Variants in IMMT observed in about 807,000 individuals in gnomAD.
IMMT encodes the protein inner membrane mitochondrial protein, also known as MICOS complex subunit MIC60.
A neutral mutation model predicts 92.7 loss-of-function variants in IMMT; 40 were observed. The observed-to-expected ratio is 0.43, with a 90% confidence interval of 0.34 to 0.56. The LOEUF (loss-of-function observed/expected upper bound fraction) is 0.56. Among genes scored for constraint, IMMT ranks in the 20% least tolerant of loss-of-function variants. The pLI is 0.03. For missense variants in IMMT, 831 were observed against 912.1 expected, an observed-to-expected ratio of 0.91 and a Z score of 1.14; for synonymous variants, 322 against 336.1, an observed-to-expected ratio of 0.96 and a Z score of 0.46.
At chr2:86,150,782 A>G (rs1233744354) in intron 12 of IMMT, among the ~76,000 whole-genome samples, 5 of 152,226 alleles carry the variant, frequency 3.3e-5, no homozygotes. Flanking sequence ...ACACTTCTGC[A>G]TCTGCTCAAC....
At chr2:86,176,518 G>A (rs1208795469) in intron 3 of IMMT, among the ~76,000 whole-genome samples, 1 of 152,166 alleles carries the variant, frequency 6.6e-6, no homozygotes, top group African/African-American at 2.4e-5. Flanking sequence ...TAGTGGTAAT[G>A]CAAGAAGATT....
chr2:86,176,843 C>G (rs1677460562), intron 3 of IMMT, among the ~76,000 whole-genome samples: 1 of 152,170 alleles, frequency 6.6e-6, no homozygotes, highest in South Asian at 2.1e-4. Context: ...CTCCATGCTC[C>G]TAGAACAGCT....
At chr2:86,153,951 C>T (rs1191773528) in intron 10 of IMMT, among the ~76,000 whole-genome samples, 1 of 152,186 alleles carries the variant, frequency 6.6e-6, no homozygotes, top group Non-Finnish European at 1.5e-5. Flanking sequence ...CAACCTCCAC[C>T]TGCTGGGCTC....
intron 11 of IMMT, among the ~76,000 whole-genome samples, chr2:86,152,644 C>T (rs1675554964): frequency 6.6e-6 from 1 of 151,930 alleles, no homozygotes; most frequent in African/African-American, 2.4e-5. Flanking sequence ...GCCTGTAATC[C>T]CAGCTACTCA....
chr2:86,162,223 A>C, intron 7 of IMMT, 144 bp from the exon 8 acceptor site: 1 of 542,050 alleles, frequency 1.8e-6, no homozygotes, highest in South Asian at 2.5e-5. Context: ...AGAACTCTTA[A>C]TTTAAGGCTT....
intron 12 of IMMT, 44 bp from the exon 13 acceptor site, chr2:86,147,877 A>G (rs1241913163): frequency 1.9e-6 from 3 of 1,591,088 alleles, no homozygotes; most frequent in Non-Finnish European, 2.6e-6. Flanking sequence ...AATTCTCCAC[A>G]TATACTTTTA....
At position 86,174,295 on chromosome 2, in the gene IMMT, T is replaced by A. The variant is rs900575633; in HGVS notation, c.310-534A>T. 3.3e-5 allele frequency among the ~76,000 whole-genome samples: 5 copies of A among 152,326 alleles called. 1 individual carries two copies. Among genetic ancestry groups the A allele is most frequent in the Middle Eastern group, 6.8e-3 (2 of 294 alleles). ...ATTGCCTGCTCTAAGTTTAAGACAC[T>A]ATTCATTTAAGAGGGCTGCCAGATA... On this transcript the variant is annotated intron_variant, in intron 3 of 14. Transcript: ENST00000410111.
At chr2:86,178,803 T>C (rs889324047) in intron 3 of IMMT, among the ~76,000 whole-genome samples, 5 of 152,222 alleles carry the variant, frequency 3.3e-5, no homozygotes, top group African/African-American at 1.2e-4. Context: ...GGCTCATGCC[T>C]GTAATCCCAA....
chr2:86,173,738 G>A lies in IMMT; in HGVS notation c.333C>T (p.Ile111=). The A allele has an allele frequency of 6.3e-7, 1 of 1,594,586 alleles. No homozygotes were observed. The highest frequency in any genetic ancestry group is 1.7e-5 in the Admixed American group (1 of 59,494). ...KKSIQSGPLK[I]SSVSEVMKES... ...CTTTCATTACTTCTGATACACTAGA[G>A]ATTTTTAGTGGACCCGACTGAATCT... is the stretch of plus-strand genomic sequence containing the variant. The change falls in exon 4 of 15, where the codon ATC becomes ATT. Residue 111 remains isoleucine (I), a synonymous_variant. Coordinates refer to ENST00000410111, the MANE Select transcript of IMMT (RefSeq NM_006839.3).
rs201987512 is a variant in IMMT at position 86,146,169 on chromosome 2, T to C, written c.1562A>G (p.Glu521Gly). ...QNLSEKLSEQ[E>G]LQFRRLSQEQ... The stretch of plus-strand genomic sequence containing the variant: ...TTGACTGAGACGACGAAATTGTAAT[T>C]CTTGTTCAGAGAGTTTCTCAGACAG... The change falls in exon 14 of 15, where the codon GAA (glutamate) becomes GGA (glycine). Residue 521 changes from glutamate (E) to glycine (G), a missense_variant. Coordinates refer to ENST00000410111, the MANE Select transcript of IMMT (RefSeq NM_006839.3). 2.5e-6 allele frequency: 4 copies of C among 1,609,730 alleles called. No homozygotes were observed. The East Asian group carries it at 8.9e-5, about 36-fold the overall frequency.
chr2:86,149,737 A>G (rs1675320266), intron 12 of IMMT, among the ~76,000 whole-genome samples: 1 of 151,924 alleles, frequency 6.6e-6, no homozygotes, highest in Non-Finnish European at 1.5e-5. Context: ...AATTAGCCAC[A>G]TGTGGTGGCA....
At chr2:86,146,018 A>C (rs1342437821) in intron 14 of IMMT, 50 bp downstream of exon 14, 1 of 1,394,944 alleles carries the variant, frequency 7.2e-7, no homozygotes, top group Non-Finnish European at 9.5e-7. Flanking sequence ...TTATTTTGAT[A>C]AATTATGCTG....
At position 86,195,325 on chromosome 2, in the gene IMMT, C is replaced by T; in HGVS notation, c.45+13G>A. On this transcript the variant is annotated intron_variant, in intron 1 of 14. Coordinates refer to ENST00000410111, the MANE Select transcript of IMMT (RefSeq NM_006839.3). ...CAGCCTCCTCACGCGCCTCCGGGAG[C>T]CCCAGTGCTCACCTGGGCGGCGGCG... The T allele has an allele frequency of 6.5e-7, 1 of 1,544,088 alleles. No homozygotes were observed. Among genetic ancestry groups the T allele is most frequent in the South Asian group, 1.2e-5 (1 of 83,136 alleles).
In IMMT at chr2:86,144,245, CTT is replaced by C. The variant is rs752514769; in HGVS notation, c.*21_*22del. Reference sequence around the variant, plus strand: ...TGATTTCCTTTGACATGAAATATGACTTTATGAAAATCTTCCTAAACCTCACT... The same window carrying C: ...TGATTTCCTTTGACATGAAATATGACTATGAAAATCTTCCTAAACCTCACT... On this transcript the variant is annotated 3_prime_UTR_variant, in exon 15 of 15. Transcript: ENST00000410111. 64 of 1,610,616 alleles carry C rather than the reference CTT, an allele frequency of 4.0e-5. No individual in the cohort carries two copies. Among genetic ancestry groups the C allele is most frequent in the Non-Finnish European group, 5.1e-5 (60 of 1,177,522 alleles).
intron 1 of IMMT, among the ~76,000 whole-genome samples, chr2:86,188,885 G>C (rs1232380846): frequency 3.9e-5 from 6 of 152,042 alleles, no homozygotes; most frequent in African/African-American, 1.5e-4. Flanking sequence ...GTATCCCTCT[G>C]ATGCACAAAA....
intron 10 of IMMT, among the ~76,000 whole-genome samples, chr2:86,153,890 C>T (rs1321012894): frequency 6.6e-6 from 1 of 152,026 alleles, no homozygotes; most frequent in Non-Finnish European, 1.5e-5. Context: ...TGAGACAGAG[C>T]CTTCCTCTGT....
At chr2:86,167,172 CT>C (rs1163472844) in intron 6 of IMMT, among the ~76,000 whole-genome samples, 4,377 of 125,868 alleles carry the variant, frequency 0.035, 88 homozygotes, top group East Asian at 0.085. Flanking sequence ...TATTACACTT[CT>C]TTTTTTTTTT....
chr2:86,171,453 G>C, intron 4 of IMMT, 108 bp from the exon 5 acceptor site: 1 of 984,868 alleles, frequency 1.0e-6, no homozygotes, highest in Non-Finnish European at 1.6e-6. Context: ...ACTCCTTAGA[G>C]ACACAAATAT....
chr2:86,156,538 G>A (rs543128965), intron 10 of IMMT, among the ~76,000 whole-genome samples: 14 of 144,306 alleles, frequency 9.7e-5, no homozygotes, highest in African/African-American at 3.7e-4. Flanking sequence ...AGGTTGCAGT[G>A]AGCCAAGATT....
Sources: allele counts gnomAD v4.1 joint callset (sites outside exome capture counted in the v4.1 genomes callset), GRCh38; gene constraint gnomAD v4.1.1; transcripts MANE v1.5; gene names NCBI Gene and HGNC (gene_info 2026-07-23, HGNC 2026-07-21).